MCF2L: variants seen among roughly 807,000 people sequenced by gnomAD.
MCF2L encodes MCF.2 cell line derived transforming sequence like, also known as guanine nucleotide exchange factor DBS.
MCF2L carries 97 observed loss-of-function variants against 153.4 expected under a neutral mutation model. The ratio of observed to expected loss-of-function variants is 0.63; its 90% CI spans 0.54 to 0.75. The LOEUF (loss-of-function observed/expected upper bound fraction) is 0.75. MCF2L is among the 30% of genes least tolerant of loss of function. The pLI is 0.00. For synonymous variants in MCF2L, 659 were observed against 632.2 expected, an observed-to-expected ratio of 1.04 and a Z score of -0.64; for missense variants, 1,347 against 1,495.2, an observed-to-expected ratio of 0.90 and a Z score of 1.64.
chr13:113,089,823 G>T (rs1595017268), intron 26 of MCF2L, 95 bp downstream of exon 26: 2 of 1,607,172 alleles, frequency 1.2e-6, no homozygotes, highest in Non-Finnish European at 1.7e-6. Context: ...GCTTCCTGCA[G>T]TGTGAAGAAG....
In MCF2L at chr13:112,904,700, C is replaced by T. The variant is rs1416503840; in HGVS notation, c.169+2329C>T. ...GAGCGGTGAAGCCCTTCTGGCTGTCCTTGCCTCGTCTGCTCTGTGGAAAGA... is the reference window on the plus strand; with the variant it reads ...GAGCGGTGAAGCCCTTCTGGCTGTCTTTGCCTCGTCTGCTCTGTGGAAAGA... On this transcript the variant is annotated intron_variant, in intron 2 of 29. Coordinates refer to the MCF2L transcript ENST00000375608. The surrounding 1 kb of genome is among the most constrained non-coding windows in gnomAD (Gnocchi z 4.2). 6.6e-6 allele frequency among the ~76,000 whole-genome samples: 1 copy of T among 152,234 alleles called. No homozygotes were observed. The highest frequency in any genetic ancestry group is 1.5e-5 in the Non-Finnish European group (1 of 68,048).
rs2033248211 is a variant in MCF2L, at chr13:113,074,559, C to T, written c.1112C>T (p.Ser371Leu). ...GACCTGGCCAGCTTCGAGGAGAAAT[C>T]AGGCGTAAGGCGGGGTCCCGGCGGG... The part of the protein sequence containing the change: ...LRDLASFEEK[S>L]GVAVERARAL... Residue 371 changes from serine (S) to leucine (L), a missense_variant, in exon 10 of 30, where the codon TCA becomes TTA. Ser to Leu is a moderately radical substitution (Grantham distance 145). Transcript: ENST00000535094. The surrounding 1 kb of genome is among the most constrained non-coding windows in gnomAD (Gnocchi z 4.2). The T allele has an allele frequency of 6.2e-7, 1 of 1,613,724 alleles. No homozygotes were observed. The highest frequency in any genetic ancestry group is 8.5e-7 in the Non-Finnish European group (1 of 1,179,804).
chr13:113,087,568 G>A, intron 22 of MCF2L, 112 bp downstream of exon 22: 1 of 1,112,364 alleles, frequency 9.0e-7, no homozygotes, highest in Non-Finnish European at 1.3e-6. Flanking sequence ...AGCCTTAGGT[G>A]TAGGGGTGGG....
At chr13:113,020,987 G>A (rs1199258683) in intron 2 of MCF2L, among the ~76,000 whole-genome samples, 1 of 150,288 alleles carries the variant, frequency 6.7e-6, no homozygotes, top group Non-Finnish European at 1.5e-5. Context: ...AGATGTGTAT[G>A]TGTGTGTATG....
chr13:112,959,592 C>T (rs1377534918), intron 2 of MCF2L, among the ~76,000 whole-genome samples: 1 of 152,162 alleles, frequency 6.6e-6, no homozygotes, highest in East Asian at 1.9e-4. Context: ...TAGGTCTGAG[C>T]TGTTCAAAGG....
At chr13:113,079,803 AGAGGAATGTCTGAATG>A (rs1481790774) in intron 15 of MCF2L, among the ~76,000 whole-genome samples, 21 of 149,500 alleles carry the variant, frequency 1.4e-4, no homozygotes, top group Non-Finnish European at 2.4e-4. Flanking sequence ...GGGTCCAGGC[AGAGGAATGTCTGAATG>A]GAGGAGGGTC....
At chr13:112,969,128 A>G, upstream of MCF2L, 3 of 265,396 alleles carry the variant, frequency 1.1e-5, no homozygotes, top group Non-Finnish European at 2.0e-5. The surrounding 1 kb of genome is among the most constrained non-coding windows in gnomAD (Gnocchi z 4.8). Context: ...CGGTGGTGAC[A>G]CACCGGGGCG....
chr13:112,935,537 G>C (rs372038768), intron 2 of MCF2L, among the ~76,000 whole-genome samples: 6 of 152,140 alleles, frequency 3.9e-5, no homozygotes, highest in Non-Finnish European at 7.3e-5. Flanking sequence ...GAATACAGGC[G>C]TGAGCCACCA....
At chr13:113,067,036 G>T (rs2141854595) in intron 8 of MCF2L, among the ~76,000 whole-genome samples, 1 of 152,388 alleles carries the variant, frequency 6.6e-6, no homozygotes, top group East Asian at 1.9e-4. Flanking sequence ...CCACGAGGCA[G>T]AGGCTGCAGC....
intron 1 of MCF2L, chr13:113,002,120 G>A: frequency 9.4e-7 from 1 of 1,058,248 alleles, no homozygotes; most frequent in Non-Finnish European, 1.3e-6. Context: ...CGGGGCTGGG[G>A]GATGCCGGGG....
rs532413150 is a variant in MCF2L, at chr13:113,014,499, C to T, written c.80-264C>T. On this transcript the variant is annotated intron_variant, in intron 1 of 29. Transcript: ENST00000535094. ...TGCCCAGGTCTCTCTCTTTGTCCCT[C>T]CCTCTCTCTGTCTCTCAGTCCCTCT... Among the ~76,000 whole-genome samples, 10 of 152,350 alleles carry T rather than the reference C, an allele frequency of 6.6e-5. No homozygotes were observed. In the South Asian group the frequency reaches 1.7e-3, roughly 25 times the overall value.
intron 24 of MCF2L, 61 bp from the exon 25 acceptor site, chr13:113,088,500 AG>A: frequency 3.7e-6 from 6 of 1,606,376 alleles, no homozygotes; most frequent in Non-Finnish European, 5.1e-6. Flanking sequence ...CCCATGCGCA[AG>A]GTGCCTCGGC....
rs1024799993 is a variant in MCF2L, at chr13:113,070,252, G to C, written c.996+79G>C. 2 of 982,608 alleles carry C rather than the reference G, an allele frequency of 2.0e-6. No individual in the cohort carries two copies. The highest frequency in any genetic ancestry group is 1.4e-6 in the Non-Finnish European group (1 of 694,524). 60.9% of individuals were successfully genotyped at this position (982,608 alleles called of 1,614,324 possible). A position where few individuals can be genotyped will look rare whatever the true frequency, so the allele number is the denominator to read the frequency against. On this transcript the variant is annotated intron_variant, in intron 9 of 29. Coordinates refer to ENST00000535094, the MANE Select transcript of MCF2L (RefSeq NM_001112732.3). This position sits in a 1 kb window ranked among gnomAD's most constrained non-coding sequence, Gnocchi z 5.6. ...GTGCCTGCGCCCTGGTCCCAGTGCC[G>C]GGAGCTGAGCCGTGCCACCCAGTTG...
At chr13:112,910,161 T>C (rs1200229573) in intron 2 of MCF2L, 1 of 152,204 alleles carries the variant, frequency 6.6e-6, no homozygotes, top group African/African-American at 2.4e-5. Context: ...TTTAAAGAAA[T>C]GTAATGCTGA....
chr13:112,909,267 C>T (rs775386123), intron 2 of MCF2L: 8 of 779,680 alleles, frequency 1.0e-5, no homozygotes, highest in South Asian at 8.0e-5. Flanking sequence ...CTCGGCATCT[C>T]GTCCACAGTG....
At chr13:112,939,275 G>A (rs1446133301) in intron 2 of MCF2L, among the ~76,000 whole-genome samples, 1 of 152,136 alleles carries the variant, frequency 6.6e-6, no homozygotes, top group Non-Finnish European at 1.5e-5. Context: ...TCCACGTCGT[G>A]GACATCTGGG....
Position 113,088,308 on chromosome 13 carries a change from G to C in MCF2L, c.2689-19G>C, listed in dbSNP as rs375996459. 1.7e-5 allele frequency: 27 copies of C among 1,611,332 alleles called. 1 individual carries two copies. The Admixed American group carries it at 4.5e-4, about 27-fold the overall frequency. ...GGGGCCTGAGTACTCACCTCCTGGC[G>C]TTTCTTTTGGGGAAACAGGCGCCAA... On this transcript the variant is annotated intron_variant, in intron 23 of 29. Coordinates refer to ENST00000535094, the MANE Select transcript of MCF2L (RefSeq NM_001112732.3).
rs2035774864 is a variant in MCF2L at position 113,097,936 on chromosome 13, GTA to G, written c.*1079_*1080del. ...GAGTACAGAAGTGAAAGTGGGGAGA[GTA>G]TTTTATTCAAGTCACAGCAGAACTG... On this transcript the variant is annotated 3_prime_UTR_variant, in exon 30 of 30. Coordinates refer to ENST00000535094, the MANE Select transcript of MCF2L (RefSeq NM_001112732.3). The G allele has an allele frequency of 6.6e-6, 1 of 152,200 alleles. No homozygotes were observed. The highest frequency in any genetic ancestry group is 2.4e-5 in the African/African-American group (1 of 41,424). The allele number at this position is 152,200 out of a possible 1,614,324, so 9.4% of individuals were successfully genotyped here. A position where few individuals can be genotyped will look rare whatever the true frequency, so the allele number is the denominator to read the frequency against.
intron 26 of MCF2L, chr13:113,089,988 G>T: frequency 6.2e-7 from 1 of 1,602,256 alleles, no homozygotes; most frequent in Non-Finnish European, 8.5e-7. Context: ...AGCCGCCTTG[G>T]GCCCTCCCTG....
Sources: allele counts gnomAD v4.1 joint callset (sites outside exome capture counted in the v4.1 genomes callset), GRCh38; gene constraint gnomAD v4.1.1; non-coding constraint Gnocchi (gnomAD v3.1); transcripts MANE v1.5; gene names NCBI Gene and HGNC (gene_info 2026-07-23, HGNC 2026-07-21).